Variants in IL1RL1 observed in about 807,000 individuals in gnomAD.
The protein encoded by IL1RL1 is interleukin 1 receptor like 1.
A neutral mutation model predicts 50.9 loss-of-function variants in IL1RL1; 32 were observed. The ratio of observed to expected loss-of-function variants is 0.63; its 90% confidence interval spans 0.47 to 0.84. IL1RL1 has a LOEUF of 0.84. IL1RL1 is among the 40% of genes least tolerant of loss of function. The pLI, the probability that IL1RL1 is intolerant of heterozygous loss-of-function variation, is 0.00. For synonymous variants in IL1RL1, 275 were observed against 236.0 expected (o/e 1.17, Z -1.51); for missense variants, 773 against 662.9 (o/e 1.17, Z -1.82).
intron 1 of IL1RL1, among the ~76,000 whole-genome samples, chr2:102,327,906 A>C (rs1677059439): frequency 6.6e-6 from 1 of 152,240 alleles, no homozygotes; most frequent in South Asian, 2.1e-4. Flanking sequence ...ATGGATTCAC[A>C]GCCGAATTCT....
At chr2:102,319,906 G>C (rs12712136) in intron 1 of IL1RL1, among the ~76,000 whole-genome samples, 72,859 of 151,966 alleles carry the variant, frequency 0.48, 17,757 homozygotes, top group Middle Eastern at 0.64. Flanking sequence ...CCAGGCTAGT[G>C]TTGAACTCCT....
In IL1RL1 at chr2:102,343,174, A is replaced by G. The variant is rs1457500224; in HGVS notation, c.821A>G (p.Gln274Arg). ...PRIQQEEGQN[Q>R]SFSNGLACLD... ...ATTCAACAAGAGGAAGGGCAAAATC[A>G]AAGGTATTTTTATATTGAAGAGAAC... is the stretch of plus-strand genomic sequence containing the variant. Residue 274 changes from glutamine to arginine, a missense_variant, in exon 7 of 11, where the codon CAA (glutamine) becomes CGA (arginine). By Grantham distance (43) the Gln-to-Arg change is conservative (BLOSUM62 1). Coordinates refer to ENST00000233954, the MANE Select transcript of IL1RL1 (RefSeq NM_016232.5). 4 of 1,614,126 alleles carry G rather than the reference A, an allele frequency of 2.5e-6. No individual in the cohort carries two copies. The South Asian group carries it at 4.4e-5, about 18-fold the overall frequency.
intron 8 of IL1RL1, 34 bp from the exon 9 acceptor site, chr2:102,347,911 T>C: frequency 8.1e-7 from 1 of 1,240,658 alleles, no homozygotes; most frequent in Non-Finnish European, 1.2e-6. Flanking sequence ...CTTGTTTCAG[T>C]AGTAATAATA....
At chr2:102,347,785 A>C (rs552519106) in intron 8 of IL1RL1, among the ~76,000 whole-genome samples, 160 bp from the exon 9 acceptor site, 64 of 152,314 alleles carry the variant, frequency 4.2e-4, no homozygotes, top group Non-Finnish European at 8.5e-4. Flanking sequence ...TAGAGGCTCA[A>C]TAAATGTGAC....
intron 1 of IL1RL1, among the ~76,000 whole-genome samples, chr2:102,315,415 C>T (rs894477025): frequency 3.3e-5 from 5 of 152,176 alleles, no homozygotes; most frequent in African/African-American, 1.2e-4. Context: ...ACTTGAATGT[C>T]TTTGATTTAC....
chr2:102,342,976 G>A lies in IL1RL1; in HGVS notation c.683-60G>A, dbSNP rs1027004945. The A allele has an allele frequency of 5.9e-6, 9 of 1,524,904 alleles. No homozygotes were observed. The East Asian group carries it at 2.0e-4, about 34-fold the overall frequency. The allele number at this position is 1,524,904 out of a possible 1,614,324, so 94.5% of individuals were successfully genotyped here. On this transcript the variant is annotated intron_variant, in intron 6 of 10. Transcript: ENST00000233954. ...GTAAGGTTTTTTTTTTACATTAAAT[G>A]GGATAAAATGCCAGTCGCAGAAGTT...
chr2:102,352,259 T>G (rs1360697103), downstream of IL1RL1, among the ~76,000 whole-genome samples: 4 of 149,482 alleles, frequency 2.7e-5, no homozygotes, highest in African/African-American at 5.0e-5. Flanking sequence ...ATAATCTGAA[T>G]AGCAAACTAA....
intron 5 of IL1RL1, among the ~76,000 whole-genome samples, chr2:102,341,824 C>A (rs1264557417): frequency 6.6e-6 from 1 of 152,146 alleles, no homozygotes; most frequent in African/African-American, 2.4e-5. Flanking sequence ...GAACTGCGAG[C>A]AAATCTGTGG....
chr2:102,321,414 T>C (rs1408060848), intron 1 of IL1RL1, among the ~76,000 whole-genome samples: 1 of 152,130 alleles, frequency 6.6e-6, no homozygotes, highest in Non-Finnish European at 1.5e-5. Flanking sequence ...GGTTCAGTAT[T>C]TTGCTTTTCT....
intron 5 of IL1RL1, 66 bp downstream of exon 5, chr2:102,340,894 C>T (rs941676309): frequency 7.6e-7 from 1 of 1,313,680 alleles, no homozygotes; most frequent in Non-Finnish European, 1.0e-6. Flanking sequence ...ACAGCGGTGC[C>T]CTTCTGGTTG....
chr2:102,347,408 G>T (rs569255222), intron 8 of IL1RL1, among the ~76,000 whole-genome samples: 22 of 152,304 alleles, frequency 1.4e-4, no homozygotes, highest in Non-Finnish European at 2.8e-4. Context: ...CTTAGTTGGG[G>T]TTTCAAGTCT....
At chr2:102,324,921 G>A (rs1676948195) in intron 1 of IL1RL1, among the ~76,000 whole-genome samples, 2 of 152,196 alleles carry the variant, frequency 1.3e-5, no homozygotes, top group Admixed American at 1.3e-4. Context: ...CTGCACCTCT[G>A]GGGGCAGGGC....
chr2:102,337,912 A>T (rs1677387185), intron 1 of IL1RL1, among the ~76,000 whole-genome samples: 1 of 152,192 alleles, frequency 6.6e-6, no homozygotes, highest in Non-Finnish European at 1.5e-5. Context: ...ATAACTGTGA[A>T]ATAGCATGAT....
At chr2:102,344,858 T>C (rs1677722972) in intron 8 of IL1RL1, 3 of 962,282 alleles carry the variant, frequency 3.1e-6, no homozygotes, top group African/African-American at 1.8e-5. Flanking sequence ...GAAAGTCAAA[T>C]TGTTTATTGC....
chr2:102,351,784 T>C lies in IL1RL1; in HGVS notation c.1534T>C (p.Trp512Arg), dbSNP rs1404323308. ...TATGAAAGTACAGGGGACCATCAAG[T>C]GGAGGGAGGACCACATTGCCAATAA... ...HLMKVQGTIK[W>R]REDHIANKRS... The change falls in exon 11 of 11, where the codon TGG (tryptophan) becomes CGG (arginine). Residue 512 changes from tryptophan (W) to arginine (R), a missense_variant. Trp to Arg is a moderately radical substitution (Grantham distance 101, BLOSUM62 -3). Transcript: ENST00000233954. 2 of 1,613,996 alleles carry C rather than the reference T, an allele frequency of 1.2e-6. No homozygotes were observed. Among genetic ancestry groups the C allele is most frequent in the Non-Finnish European group, 1.7e-6 (2 of 1,179,978 alleles).
At chr2:102,327,711 A>C (rs1483431137) in intron 1 of IL1RL1, among the ~76,000 whole-genome samples, 2 of 152,236 alleles carry the variant, frequency 1.3e-5, no homozygotes, top group Non-Finnish European at 2.9e-5. Flanking sequence ...CTACCATCAG[A>C]GAATACTATA....
Position 102,338,202 on chromosome 2 carries a change from G to A in IL1RL1, c.-63G>A, listed in dbSNP as rs893657223. On this transcript the variant is annotated 5_prime_UTR_variant, in exon 2 of 11. In the 5' UTR this introduces an upstream ATG that the reference lacks. Transcript: ENST00000233954. ...TGGTGACCTTCACTGTCGTATGCCAGTGACTCATCTGGAGTAATCTCAACA... is the reference window on the plus strand; with the variant it reads ...TGGTGACCTTCACTGTCGTATGCCAATGACTCATCTGGAGTAATCTCAACA... 3.8e-5 allele frequency: 42 copies of A among 1,098,638 alleles called. No individual in the cohort carries two copies. Among genetic ancestry groups the A allele is most frequent in the Non-Finnish European group, 5.7e-5 (41 of 718,948 alleles). The allele number at this position is 1,098,638 out of a possible 1,614,324, so 68.1% of individuals were successfully genotyped here.
intron 1 of IL1RL1, among the ~76,000 whole-genome samples, chr2:102,337,620 A>C (rs1329564500): frequency 6.6e-6 from 1 of 152,168 alleles, no homozygotes; most frequent in East Asian, 1.9e-4. Flanking sequence ...GAATAGGACA[A>C]TTACTTGGCT....
At chr2:102,317,155 C>T (rs996072596) in intron 1 of IL1RL1, among the ~76,000 whole-genome samples, 1 of 152,044 alleles carries the variant, frequency 6.6e-6, no homozygotes, top group Admixed American at 6.5e-5. Flanking sequence ...GAGATCGAGA[C>T]CATCCTGGCT....
Sources: allele counts gnomAD v4.1 joint callset (sites outside exome capture counted in the v4.1 genomes callset), GRCh38; gene constraint gnomAD v4.1.1; transcripts MANE v1.5; gene names NCBI Gene and HGNC (gene_info 2026-07-23, HGNC 2026-07-21).